The following ERG variants were observed in gnomAD, a reference collection of about 807,000 sequenced individuals.
ERG encodes transcriptional regulator ERG.
ERG carries 9 observed loss-of-function variants against 55.3 expected under a neutral mutation model. The ratio of observed to expected loss-of-function variants is 0.16; its 90% CI spans 0.10 to 0.28. The LOEUF (loss-of-function observed/expected upper bound fraction) is 0.28. ERG is among the 10% of genes least tolerant of loss of function. The pLI is 1.00. For synonymous variants in ERG, 223 were observed against 237.3 expected, an observed-to-expected ratio of 0.94 and a Z score of 0.55; for missense variants, 434 against 631.6, an observed-to-expected ratio of 0.69 and a Z score of 3.35.
chr21:38,590,187 A>G (rs2060091258), intron 1 of ERG, among the ~76,000 whole-genome samples: 1 of 152,196 alleles, frequency 6.6e-6, no homozygotes, highest in South Asian at 2.1e-4. Context: ...CCCTCAATAA[A>G]CAAAGGCTAT....
chr21:38,493,335 C>T (rs2059352426), intron 1 of ERG, among the ~76,000 whole-genome samples: 1 of 151,992 alleles, frequency 6.6e-6, no homozygotes, highest in African/African-American at 2.4e-5. Flanking sequence ...ATGTTAGTAA[C>T]ATGGGAAAAT....
intron 1 of ERG, among the ~76,000 whole-genome samples, chr21:38,617,926 A>AACAGATG (rs1299391739): frequency 6.6e-6 from 1 of 152,190 alleles, no homozygotes; most frequent in African/African-American, 2.4e-5. Flanking sequence ...CGACCCAGAC[A>AACAGATG]ACAGATGACA....
rs115426119 is a variant in ERG, at chr21:38,611,440, C to T, written c.-149-26495G>A. 4.6e-3 allele frequency among the ~76,000 whole-genome samples: 697 copies of T among 152,062 alleles called. 4 individuals carry two copies. The highest frequency in any genetic ancestry group is 0.016 in the African/African-American group (652 of 41,412). On this transcript the variant is annotated intron_variant, in intron 1 of 10. Transcript: ENST00000398910. ...CCCTCTTTCTGTGACCTCATCTCCA[C>T]TCCTCCCCTCTCTCCATCTGGCCGC...
intron 2 of ERG, among the ~76,000 whole-genome samples, chr21:38,529,044 T>C (rs1333946831): frequency 6.6e-6 from 1 of 152,026 alleles, no homozygotes; most frequent in Non-Finnish European, 1.5e-5. Context: ...GAATAAGGAA[T>C]ATTCTAGAAC....
intron 2 of ERG, among the ~76,000 whole-genome samples, chr21:38,433,839 C>A (rs536879270): frequency 6.6e-6 from 1 of 152,344 alleles, no homozygotes; most frequent in East Asian, 1.9e-4. Context: ...ATGTCTTCTT[C>A]TTTGAGTCAG....
At chr21:38,521,420 AT>A (rs1399970737) in intron 2 of ERG, among the ~76,000 whole-genome samples, 1 of 152,180 alleles carries the variant, frequency 6.6e-6, no homozygotes, top group Non-Finnish European at 1.5e-5. Flanking sequence ...CTAACTCCTT[AT>A]TTCACATCTA....
At chr21:38,515,285 C>T (rs2059543311) in intron 2 of ERG, among the ~76,000 whole-genome samples, 2 of 151,792 alleles carry the variant, frequency 1.3e-5, no homozygotes, top group Admixed American at 1.3e-4. Flanking sequence ...GTGAGAAATA[C>T]AAAAGATTAT....
intron 2 of ERG, among the ~76,000 whole-genome samples, chr21:38,430,927 T>C (rs1990175155): frequency 6.6e-6 from 1 of 151,878 alleles, no homozygotes; most frequent in Admixed American, 6.6e-5. Context: ...AACACAGAAA[T>C]AGTGTAGGAA....
chr21:38,458,713 T>G lies in ERG; in HGVS notation c.19-13092A>C, dbSNP rs187279484. Among the ~76,000 whole-genome samples, 575 of 152,278 alleles carry G rather than the reference T, an allele frequency of 3.8e-3. 4 individuals are homozygous for G. The highest frequency in any genetic ancestry group is 0.013 in the African/African-American group (532 of 41,558). ...AGCAAGAGTCGTGTGTTGGTCTGGGTGTCCGAAGGTGGGGGTGGTAGCTGG... is the reference window on the plus strand; with the variant it reads ...AGCAAGAGTCGTGTGTTGGTCTGGGGGTCCGAAGGTGGGGGTGGTAGCTGG... On this transcript the variant is annotated intron_variant, in intron 1 of 9. Transcript: ENST00000288319.
chr21:38,574,047 T>C (rs1388804913), intron 2 of ERG, among the ~76,000 whole-genome samples: 1 of 152,214 alleles, frequency 6.6e-6, no homozygotes, highest in Non-Finnish European at 1.5e-5. Context: ...CTTGCTGACT[T>C]CATCATTTCC....
intron 1 of ERG, among the ~76,000 whole-genome samples, chr21:38,464,172 G>T (rs1228251348): frequency 6.6e-6 from 1 of 152,046 alleles, no homozygotes; most frequent in Admixed American, 6.6e-5. Flanking sequence ...GTTACTATTG[G>T]ATTCTATCTT....
chr21:38,430,081 A>AT (rs113562425), intron 2 of ERG, among the ~76,000 whole-genome samples: 53 of 149,770 alleles, frequency 3.5e-4, no homozygotes, highest in South Asian at 6.3e-4. Context: ...GCCAACATCT[A>AT]TTTTTTTTTT....
chr21:38,413,833 T>C (rs1196498747), intron 3 of ERG, among the ~76,000 whole-genome samples: 2 of 152,160 alleles, frequency 1.3e-5, no homozygotes, highest in Non-Finnish European at 2.9e-5. Flanking sequence ...TGGGTTTTCT[T>C]TCTTTGTCTT....
At chr21:38,499,775 C>A (rs76003026), upstream of ERG, among the ~76,000 whole-genome samples, 2 of 126,204 alleles carry the variant, frequency 1.6e-5, no homozygotes, top group African/African-American at 3.2e-5. Context: ...GGGAAGAGGG[C>A]GAGAAAAAAT....
intron 6 of ERG, among the ~76,000 whole-genome samples, chr21:38,393,277 A>C (rs1199639481): frequency 6.6e-6 from 1 of 152,232 alleles, no homozygotes; most frequent in Admixed American, 6.5e-5. Flanking sequence ...CCTCAGTGTG[A>C]GTTCTATTAA....
At chr21:38,608,068 A>G (rs921737654) in intron 1 of ERG, among the ~76,000 whole-genome samples, 2 of 152,236 alleles carry the variant, frequency 1.3e-5, no homozygotes, top group African/African-American at 2.4e-5. Context: ...AGTTGACAGT[A>G]ACAACTACAA....
chr21:38,382,201 T>C lies in ERG; in HGVS notation c.*1202A>G. 2 of 1,049,136 alleles carry C rather than the reference T, an allele frequency of 1.9e-6. No individual in the cohort carries two copies. Among genetic ancestry groups the C allele is most frequent in the Non-Finnish European group, 2.3e-6 (2 of 868,572 alleles). 65.0% of individuals were successfully genotyped at this position (1,049,136 alleles called of 1,614,324 possible). On this transcript the variant is annotated 3_prime_UTR_variant, in exon 10 of 10. Coordinates refer to ENST00000288319, the MANE Select transcript of ERG (RefSeq NM_182918.4). ...CTGGCCGAGATCAACTCGTAGTGTA[T>C]AAATGCATAAGTTATATAATTATTA...
At chr21:38,657,577 A>T (rs1398173043) in intron 1 of ERG, among the ~76,000 whole-genome samples, 1 of 152,226 alleles carries the variant, frequency 6.6e-6, no homozygotes, top group Admixed American at 6.5e-5. Context: ...TAAATAAAAG[A>T]TAAAGTTAAA....
At chr21:38,603,890 T>C (rs1237252774) in intron 1 of ERG, among the ~76,000 whole-genome samples, 1 of 151,912 alleles carries the variant, frequency 6.6e-6, no homozygotes, top group Non-Finnish European at 1.5e-5. Flanking sequence ...AATTAGAGAA[T>C]AGAGGTTTTC....
Sources: allele counts gnomAD v4.1 joint callset (sites outside exome capture counted in the v4.1 genomes callset), GRCh38; gene constraint gnomAD v4.1.1; transcripts MANE v1.5; gene names NCBI Gene and HGNC (gene_info 2026-07-23, HGNC 2026-07-21).